TRAPPC9: variants seen among roughly 807,000 people sequenced by gnomAD.
TRAPPC9 encodes IKK2 binding protein.
Under a neutral mutation model 124.0 loss-of-function variants are expected in TRAPPC9, and 83 were observed. The ratio of observed to expected loss-of-function variants is 0.67; its 90% CI spans 0.56 to 0.80. The LOEUF is 0.80. Among genes scored for constraint, TRAPPC9 ranks in the 30% least tolerant of loss-of-function variants. TRAPPC9 has a pLI of 0.00. For missense variants in TRAPPC9, 1,302 were observed against 1,508.3 expected (o/e 0.86, Z 2.27); for synonymous variants, 638 against 617.5 (o/e 1.03, Z -0.49).
chr8:139,958,878 A>AGAGCACTGCATTCCGAGTCACAAAGGG (rs1835169316), intron 19 of TRAPPC9, among the ~76,000 whole-genome samples: 2 of 136,994 alleles, frequency 1.5e-5, no homozygotes, highest in Admixed American at 7.6e-5. Flanking sequence ...AGCCTGACAC[A>AGAGCACTGCATTCCGAGTCACAAAGGG]GAGCACTGCA....
At chr8:139,900,555 T>G (rs1313793751) in intron 20 of TRAPPC9, among the ~76,000 whole-genome samples, 1 of 152,242 alleles carries the variant, frequency 6.6e-6, no homozygotes, top group Non-Finnish European at 1.5e-5. Flanking sequence ...CACATTTAAT[T>G]ATTTAATCAA....
Position 139,730,899 on chromosome 8 carries a change from A to C in TRAPPC9, c.*162T>G. ...CATGTCCGGGGCTTCTGCGTAGCCC[A>C]GCAAAGATGCTACAGGAGGAACAGG... On this transcript the variant is annotated 3_prime_UTR_variant, in exon 23 of 23. Coordinates refer to ENST00000438773, the MANE Select transcript of TRAPPC9 (RefSeq NM_001160372.4). The C allele has an allele frequency of 1.3e-6, 1 of 793,182 alleles. No homozygotes were observed. The highest frequency in any genetic ancestry group is 2.0e-6 in the Non-Finnish European group (1 of 503,964). The allele number at this position is 793,182 out of a possible 1,614,324, so 49.1% of individuals were successfully genotyped here.
intron 19 of TRAPPC9, among the ~76,000 whole-genome samples, chr8:139,983,848 T>G (rs958689492): frequency 1.7e-4 from 26 of 152,210 alleles, no homozygotes; most frequent in African/African-American, 6.3e-4. Context: ...AGAGCCTGGA[T>G]GTCAGACAGA....
chr8:140,325,344 G>A (rs369410072), intron 9 of TRAPPC9, among the ~76,000 whole-genome samples: 1 of 152,052 alleles, frequency 6.6e-6, no homozygotes, highest in African/African-American at 2.4e-5. Context: ...AATGAAATAG[G>A]AAACAGGAAA....
In TRAPPC9 at chr8:139,975,245, G is replaced by A. The variant is rs188567470; in HGVS notation, c.2810+13481C>T. On this transcript the variant is annotated intron_variant, in intron 19 of 22. Transcript: ENST00000438773. ...TCTGGGCAGCACTAGAGACAGTGGC[G>A]ACTGCTGGTCAGCCTGGATCACTGG... is the stretch of plus-strand genomic sequence containing the variant. 3.3e-3 allele frequency among the ~76,000 whole-genome samples: 503 copies of A among 152,322 alleles called. 1 individual carries two copies. The highest frequency in any genetic ancestry group is 0.012 in the African/African-American group (481 of 41,588).
intron 17 of TRAPPC9, among the ~76,000 whole-genome samples, chr8:140,167,195 G>T (rs1317794683): frequency 6.6e-6 from 1 of 151,978 alleles, no homozygotes; most frequent in Non-Finnish European, 1.5e-5. Context: ...GAGTATGCAG[G>T]ATTCATGTCA....
intron 19 of TRAPPC9, among the ~76,000 whole-genome samples, chr8:139,968,123 T>C (rs1317203488): frequency 2.0e-5 from 3 of 149,800 alleles, no homozygotes; most frequent in Non-Finnish European, 3.0e-5. Context: ...TACTCCAGCC[T>C]GGGCGACAGA....
chr8:140,381,598 G>A (rs2068609922), intron 7 of TRAPPC9, among the ~76,000 whole-genome samples: 1 of 150,634 alleles, frequency 6.6e-6, no homozygotes, highest in Non-Finnish European at 1.5e-5. Flanking sequence ...AACCCAGGAG[G>A]CGGAGGCTGC....
intron 17 of TRAPPC9, among the ~76,000 whole-genome samples, chr8:140,070,452 T>C (rs1355822844): frequency 6.6e-6 from 1 of 152,214 alleles, no homozygotes; most frequent in African/African-American, 2.4e-5. Context: ...CGCATATATA[T>C]AATATATACA....
chr8:139,830,980 A>G (rs1244521506), intron 21 of TRAPPC9, among the ~76,000 whole-genome samples: 1 of 152,250 alleles, frequency 6.6e-6, no homozygotes. Flanking sequence ...TTTACCCTGC[A>G]CACAGCCTGT....
chr8:140,103,710 T>C (rs1018107719), intron 17 of TRAPPC9, among the ~76,000 whole-genome samples: 2 of 152,230 alleles, frequency 1.3e-5, no homozygotes, highest in African/African-American at 4.8e-5. Context: ...GCACTCTCCT[T>C]AGCCATGACG....
intron 17 of TRAPPC9, among the ~76,000 whole-genome samples, chr8:140,153,510 T>C (rs753691094): frequency 2.0e-4 from 31 of 152,140 alleles, no homozygotes; most frequent in Non-Finnish European, 4.0e-4. Flanking sequence ...TACCATACTA[T>C]ATTCTAATGT....
chr8:139,807,742 T>C (rs1824168657), intron 21 of TRAPPC9, among the ~76,000 whole-genome samples: 1 of 151,938 alleles, frequency 6.6e-6, no homozygotes, highest in South Asian at 2.1e-4. Context: ...AGCACAGAGG[T>C]TGTTAATAGC....
intron 20 of TRAPPC9, among the ~76,000 whole-genome samples, chr8:139,901,787 G>A (rs1042553502): frequency 1.3e-5 from 2 of 152,180 alleles, no homozygotes; most frequent in Non-Finnish European, 2.9e-5. Context: ...GCAGCTGCCC[G>A]TGCCCCCGGC....
intron 21 of TRAPPC9, among the ~76,000 whole-genome samples, chr8:139,741,484 GT>G (rs1460883726): frequency 6.6e-6 from 1 of 151,980 alleles, no homozygotes; most frequent in Non-Finnish European, 1.5e-5. Flanking sequence ...TGGTTTTGTT[GT>G]TTTTGTTGTT....
intron 16 of TRAPPC9, among the ~76,000 whole-genome samples, chr8:140,247,028 C>T (rs912351585): frequency 1.3e-5 from 2 of 152,136 alleles, no homozygotes; most frequent in Non-Finnish European, 2.9e-5. Context: ...CATGCTCCCC[C>T]CATGTTTTAA....
chr8:139,869,303 G>A (rs181445227), intron 21 of TRAPPC9, among the ~76,000 whole-genome samples: 17 of 152,290 alleles, frequency 1.1e-4, no homozygotes, highest in Non-Finnish European at 2.1e-4. Context: ...TAATATCAAA[G>A]AGGGATGAAA....
chr8:140,139,840 C>A (rs1019852210), intron 17 of TRAPPC9, among the ~76,000 whole-genome samples: 4 of 152,074 alleles, frequency 2.6e-5, no homozygotes, highest in African/African-American at 9.7e-5. Flanking sequence ...AGGTGGTTAT[C>A]TAACAGCGTT....
chr8:139,912,981 A>G (rs1831848437), intron 19 of TRAPPC9, among the ~76,000 whole-genome samples: 1 of 152,230 alleles, frequency 6.6e-6, no homozygotes, highest in South Asian at 2.1e-4. Flanking sequence ...AAAGGAACTA[A>G]TAACTTTCAC....
Sources: gnomAD v4.1 joint callset for allele counts (sites outside exome capture counted in the v4.1 genomes callset) on GRCh38, gnomAD v4.1.1 for gene constraint, MANE v1.5 for transcripts, NCBI Gene and HGNC (gene_info 2026-07-23, HGNC 2026-07-21) for gene names.